Variants in SLC17A1 observed in about 807,000 individuals in gnomAD.
SLC17A1 encodes sodium-dependent phosphate transport protein 1.
In SLC17A1, 51 loss-of-function variants were observed where a neutral mutation model predicts 53.5. The observed-to-expected ratio is 0.95, with a 90% CI of 0.76 to 1.20. The LOEUF is 1.20. SLC17A1 is among the 50% of genes most tolerant of loss of function. SLC17A1 has a pLI of 0.00. For synonymous variants in SLC17A1, 179 were observed against 198.8 expected, an observed-to-expected ratio of 0.90 and a Z score of 0.84; for missense variants, 538 against 568.2, an observed-to-expected ratio of 0.95 and a Z score of 0.54.
chr6:25,798,342 T>C (rs1447309388), intron 12 of SLC17A1, among the ~76,000 whole-genome samples: 1 of 152,174 alleles, frequency 6.6e-6, no homozygotes, highest in Non-Finnish European at 1.5e-5. Context: ...CATTTGAAAA[T>C]CATTTTAGTC....
At chr6:25,749,714 T>G in the SLC17A1 span, among the ~76,000 whole-genome samples, 1 of 152,216 alleles carries the variant, frequency 6.6e-6, no homozygotes, top group Non-Finnish European at 1.5e-5. Flanking sequence ...GTAGAATATA[T>G]TATTGTTCAC....
At chr6:25,814,990 AACACACACACAC>A (rs56723023) in intron 6 of SLC17A1, among the ~76,000 whole-genome samples, 2 of 51,576 alleles carry the variant, frequency 3.9e-5, no homozygotes, top group Non-Finnish European at 8.6e-5. Flanking sequence ...CTGTCACACA[AACACACACACAC>A]ACACACACAC....
intron 10 of SLC17A1, among the ~76,000 whole-genome samples, chr6:25,804,108 G>T (rs901453269): frequency 6.6e-6 from 1 of 152,032 alleles, no homozygotes; most frequent in African/African-American, 2.4e-5. Flanking sequence ...ATTAATTAAT[G>T]ATTATATCTG....
chr6:25,726,081 G>T, the SLC17A1 span: 1 of 1,467,922 alleles, frequency 6.8e-7, no homozygotes, highest in Non-Finnish European at 9.1e-7. Flanking sequence ...TCTGAAAAGA[G>T]CCTTTTGTTT....
rs748648267 is a variant in SLC17A1, at chr6:25,819,556, C to A, written c.484G>T (p.Ala162Ser). 4.3e-6 allele frequency: 7 copies of A among 1,614,118 alleles called. No homozygotes were observed. Among genetic ancestry groups the A allele is most frequent in the South Asian group, 1.1e-5 (1 of 91,078 alleles). Residue 162 changes from alanine (A) to serine (S), a missense_variant, in exon 5 of 13, where the codon GCT becomes TCT. Physicochemically the swap from Ala to Ser is moderately conservative, Grantham distance 99. Transcript: ENST00000244527. ...TAQFEIYVKW[A>S]PPLERGRLTS... ...AGTCGGCCTCGTTCCAGGGGAGGAG[C>A]CCATTTGACATATATTTCAAACTGG...
the SLC17A1 span, among the ~76,000 whole-genome samples, chr6:25,761,284 C>A: frequency 6.6e-6 from 1 of 152,200 alleles, no homozygotes. Flanking sequence ...AAGTTTTGAA[C>A]CCCTGTGAGG....
chr6:25,767,458 A>T, the SLC17A1 span, among the ~76,000 whole-genome samples: 12 of 152,114 alleles, frequency 7.9e-5, no homozygotes, highest in African/African-American at 2.9e-4. Context: ...TTTCAGGCAA[A>T]ATTTGGGGGC....
At chr6:25,804,570 CTTAA>C (rs1366754253) in intron 10 of SLC17A1, among the ~76,000 whole-genome samples, 2 of 151,958 alleles carry the variant, frequency 1.3e-5, no homozygotes, top group Non-Finnish European at 2.9e-5. Flanking sequence ...AAATGCTCCA[CTTAA>C]AAGATACAAA....
chr6:25,804,032 G>C (rs577526893), intron 10 of SLC17A1, among the ~76,000 whole-genome samples: 1 of 152,110 alleles, frequency 6.6e-6, no homozygotes, highest in South Asian at 2.1e-4. Flanking sequence ...TTTCACATAC[G>C]TATATGACAG....
At chr6:25,760,147 A>G in the SLC17A1 span, among the ~76,000 whole-genome samples, 1 of 152,248 alleles carries the variant, frequency 6.6e-6, no homozygotes, top group African/African-American at 2.4e-5. Flanking sequence ...CTGATAGGTA[A>G]GAAATAATAG....
intron 10 of SLC17A1, among the ~76,000 whole-genome samples, chr6:25,806,679 G>A (rs1280883487): frequency 6.6e-6 from 1 of 151,888 alleles, no homozygotes; most frequent in African/African-American, 2.4e-5. Flanking sequence ...TAAATTAATG[G>A]GACCTAATTA....
At chr6:25,733,016 G>C in the SLC17A1 span, among the ~76,000 whole-genome samples, 659 of 152,246 alleles carry the variant, frequency 4.3e-3, 2 homozygotes, top group Middle Eastern at 0.017. Context: ...TACAGCTTTC[G>C]TAAACAGGAC....
the SLC17A1 span, among the ~76,000 whole-genome samples, chr6:25,747,020 T>C: frequency 1.3e-5 from 2 of 152,208 alleles, no homozygotes; most frequent in African/African-American, 2.4e-5. Flanking sequence ...TGCTAAAAAG[T>C]ATCTTTGATT....
the SLC17A1 span, among the ~76,000 whole-genome samples, chr6:25,759,745 C>T: frequency 1.1e-4 from 17 of 152,146 alleles, no homozygotes; most frequent in Admixed American, 1.1e-3. Context: ...CACCTCTTTA[C>T]CTTAAGTTTA....
intron 12 of SLC17A1, among the ~76,000 whole-genome samples, chr6:25,787,650 A>G (rs773317461): frequency 6.6e-6 from 1 of 152,230 alleles, no homozygotes; most frequent in African/African-American, 2.4e-5. Context: ...TGCTCTGCAG[A>G]TAACAACTTA....
At chr6:25,726,191 G>C in the SLC17A1 span, 2 of 1,599,548 alleles carry the variant, frequency 1.3e-6, no homozygotes, top group Non-Finnish European at 1.7e-6. Flanking sequence ...AGCACTGCCT[G>C]AATGTTAGGC....
At chr6:25,827,708 G>T (rs1764803309) in intron 2 of SLC17A1, among the ~76,000 whole-genome samples, 1 of 152,038 alleles carries the variant, frequency 6.6e-6, no homozygotes, top group African/African-American at 2.4e-5. Flanking sequence ...AACTGATTTG[G>T]GACCATAATA....
At chr6:25,783,651 C>T (rs1473623191) in intron 12 of SLC17A1, among the ~76,000 whole-genome samples, 1 of 152,172 alleles carries the variant, frequency 6.6e-6, no homozygotes, top group Non-Finnish European at 1.5e-5. Context: ...TACTGCCACT[C>T]TCCCTAATAA....
At chr6:25,826,338 T>C in intron 3 of SLC17A1, 123 bp downstream of exon 3, 1 of 712,662 alleles carries the variant, frequency 1.4e-6, no homozygotes, top group Non-Finnish European at 2.2e-6. Context: ...CCTGGCAAGG[T>C]AGATGAAGAC....
Sources: allele counts gnomAD v4.1 joint callset (sites outside exome capture counted in the v4.1 genomes callset), GRCh38; gene constraint gnomAD v4.1.1; transcripts MANE v1.5; gene names NCBI Gene and HGNC (gene_info 2026-07-23, HGNC 2026-07-21).